The following BBS9 variants were observed in gnomAD, a reference collection of about 807,000 sequenced individuals.
The protein encoded by BBS9 is protein PTHB1.
Under a neutral mutation model 117.7 loss-of-function variants are expected in BBS9, and 89 were observed. That is an observed-to-expected ratio of 0.76 (90% CI 0.64 to 0.90). BBS9 has a LOEUF of 0.90. Among genes scored for constraint, BBS9 ranks in the 40% least tolerant of loss-of-function variants. BBS9 has a pLI of 0.00. For missense variants in BBS9, 982 were observed against 1,042.2 expected (o/e 0.94, Z 0.80); for synonymous variants, 379 against 370.9 (o/e 1.02, Z -0.25).
chr7:33,530,339 A>G (rs529323422), intron 20 of BBS9, among the ~76,000 whole-genome samples: 2 of 152,350 alleles, frequency 1.3e-5, no homozygotes, highest in Admixed American at 1.3e-4. Context: ...GGCATCAGGA[A>G]AATAAATTCT....
intron 19 of BBS9, among the ~76,000 whole-genome samples, chr7:33,435,147 TGGTGGTCTTTTTAGTTGAACA>T (rs1835111442): frequency 6.6e-6 from 1 of 152,158 alleles, no homozygotes; most frequent in Non-Finnish European, 1.5e-5. Flanking sequence ...GTCAGTTGAT[TGGTGGTCTTTTTAGTTGAACA>T]CTTCTCTGTA....
intron 4 of BBS9, among the ~76,000 whole-genome samples, chr7:33,171,438 C>T (rs7795704): frequency 0.095 from 14,473 of 152,242 alleles, 750 homozygotes; most frequent in South Asian, 0.13. Flanking sequence ...TTTGTTTATA[C>T]ACTATGTATA....
Position 33,489,512 on chromosome 7 carries a change from G to A in BBS9, c.2116-15951G>A, listed in dbSNP as rs571166764. Among the ~76,000 whole-genome samples the A allele has an allele frequency of 2.0e-5, 3 of 151,896 alleles. No homozygotes were observed. In the East Asian group the frequency reaches 5.8e-4, roughly 29 times the overall value. ...ATATAATCTAAATATTCTGCATATC[G>A]GTAAACTAAGAGGAGACTGCTCAAC... On this transcript the variant is annotated intron_variant, in intron 19 of 22. Coordinates refer to ENST00000242067, the MANE Select transcript of BBS9 (RefSeq NM_198428.3).
chr7:33,617,393 CATA>C (rs1865194800), intron 21 of BBS9, among the ~76,000 whole-genome samples: 1 of 152,012 alleles, frequency 6.6e-6, no homozygotes, highest in African/African-American at 2.4e-5. Flanking sequence ...AGGGGCCAAA[CATA>C]ATGATAAAGA....
chr7:33,212,339 C>T (rs1488204033), intron 5 of BBS9, among the ~76,000 whole-genome samples: 1 of 152,156 alleles, frequency 6.6e-6, no homozygotes, highest in Non-Finnish European at 1.5e-5. Context: ...ATCAATTCTA[C>T]TATTAAGAGA....
intron 20 of BBS9, among the ~76,000 whole-genome samples, chr7:33,508,269 G>A (rs1585061510): frequency 6.6e-6 from 1 of 152,190 alleles, no homozygotes; most frequent in East Asian, 1.9e-4. Context: ...TTCCTTCTAT[G>A]TTATCATTTT....
intron 9 of BBS9, among the ~76,000 whole-genome samples, chr7:33,288,122 A>G (rs1470264927): frequency 6.6e-6 from 1 of 152,182 alleles, no homozygotes; most frequent in African/African-American, 2.4e-5. Flanking sequence ...CATGCGCACT[A>G]GGAGGATGGG....
At chr7:33,569,742 A>G (rs1377759836) in intron 21 of BBS9, among the ~76,000 whole-genome samples, 1 of 152,212 alleles carries the variant, frequency 6.6e-6, no homozygotes, top group African/African-American at 2.4e-5. Flanking sequence ...AGCCTGGGTG[A>G]CAGAGCGAAA....
intron 1 of BBS9, 127 bp downstream of exon 1, chr7:33,130,168 G>GT (rs1789362872): frequency 6.6e-6 from 1 of 152,158 alleles, no homozygotes; most frequent in Non-Finnish European, 1.5e-5. Flanking sequence ...TTTCTTAGAT[G>GT]TTTGCACTGA....
intron 9 of BBS9, among the ~76,000 whole-genome samples, chr7:33,313,036 GGTGTGTGTGTGT>G (rs5883397): frequency 4.1e-5 from 6 of 147,948 alleles, no homozygotes; most frequent in South Asian, 2.1e-4. Flanking sequence ...TGTACTCTGT[GGTGTGTGTGTGT>G]GTGTGTGTGT....
chr7:33,231,772 A>G lies in BBS9; in HGVS notation c.443-25464A>G, dbSNP rs151117002. On this transcript the variant is annotated intron_variant, in intron 5 of 22. Coordinates refer to ENST00000242067, the MANE Select transcript of BBS9 (RefSeq NM_198428.3). ...ATTCTTTGTTTTCAGGGTTTGATTT[A>G]TAATTGAAACATAAGAGTTTCTTTC... Among the ~76,000 whole-genome samples, 882 of 152,268 alleles carry G rather than the reference A, an allele frequency of 5.8e-3. 6 individuals carry two copies. The highest frequency in any genetic ancestry group is 9.2e-3 in the Non-Finnish European group (625 of 68,006).
At chr7:33,208,660 T>G (rs188747316) in intron 5 of BBS9, among the ~76,000 whole-genome samples, 8 of 152,234 alleles carry the variant, frequency 5.3e-5, no homozygotes, top group Admixed American at 2.0e-4. Context: ...TTCTTTTTTC[T>G]TCTACATATG....
intron 5 of BBS9, among the ~76,000 whole-genome samples, chr7:33,221,896 C>CAT (rs1045932476): frequency 1.9e-4 from 28 of 147,508 alleles, no homozygotes; most frequent in African/African-American, 4.6e-4. Context: ...GCTTAAAAAT[C>CAT]ATATATATAT....
chr7:33,142,567 TCAA>T (rs1791649158), intron 1 of BBS9, among the ~76,000 whole-genome samples: 1 of 152,232 alleles, frequency 6.6e-6, no homozygotes, highest in African/African-American at 2.4e-5. Flanking sequence ...TCTTGCGAAG[TCAA>T]CACTATATAC....
Position 33,533,946 on chromosome 7 carries a change from G to C in BBS9, c.2299-8G>C. The C allele has an allele frequency of 6.2e-7, 1 of 1,614,136 alleles. No individual in the cohort carries two copies. The highest frequency in any genetic ancestry group is 2.2e-5 in the East Asian group (1 of 44,890). On this transcript the variant is annotated splice_region_variant and splice_polypyrimidine_tract_variant and intron_variant, in intron 20 of 22. Transcript: ENST00000242067. ...TTGTATTAATTCAAAATTGGCTTTT[G>C]TATCCAGGGCTGGGAAGAAACGGTG... is the stretch of plus-strand genomic sequence containing the variant.
intron 19 of BBS9, among the ~76,000 whole-genome samples, chr7:33,427,004 C>T (rs1833757517): frequency 6.6e-6 from 1 of 152,086 alleles, no homozygotes; most frequent in South Asian, 2.1e-4. Flanking sequence ...TTAATCCTTC[C>T]AGAACAAGGT....
chr7:33,376,615 C>A (rs1052496800), intron 17 of BBS9, among the ~76,000 whole-genome samples: 1 of 152,184 alleles, frequency 6.6e-6, no homozygotes, highest in Non-Finnish European at 1.5e-5. Flanking sequence ...GAGGAATTGC[C>A]ACACTGCTTT....
chr7:33,229,149 T>C (rs1366850788), intron 5 of BBS9, among the ~76,000 whole-genome samples: 1 of 152,184 alleles, frequency 6.6e-6, no homozygotes, highest in Non-Finnish European at 1.5e-5. Context: ...CAAATTAACA[T>C]ATCCATCATC....
intron 20 of BBS9, among the ~76,000 whole-genome samples, chr7:33,521,307 C>A (rs1009696378): frequency 6.6e-6 from 1 of 152,180 alleles, no homozygotes; most frequent in African/African-American, 2.4e-5. Flanking sequence ...TGCACTGCAG[C>A]CGAACCTTCT....
Sources: gnomAD v4.1 joint callset for allele counts (sites outside exome capture counted in the v4.1 genomes callset) on GRCh38, gnomAD v4.1.1 for gene constraint, MANE v1.5 for transcripts, NCBI Gene and HGNC (gene_info 2026-07-23, HGNC 2026-07-21) for gene names.